The following PCDHGB1 variants were observed in gnomAD, a reference collection of about 807,000 sequenced individuals.
PCDHGB1 encodes protocadherin gamma subfamily B, 1.
A neutral mutation model predicts 56.6 loss-of-function variants in PCDHGB1; 34 were observed. The ratio of observed to expected loss-of-function variants is 0.60; its 90% CI spans 0.46 to 0.80. The LOEUF is 0.80. PCDHGB1 is among the 30% of genes least tolerant of loss of function. PCDHGB1 has a pLI of 0.00. For missense variants in PCDHGB1, 1,278 were observed against 1,204.6 expected, an observed-to-expected ratio of 1.06 and a Z score of -0.90; for synonymous variants, 561 against 505.9, an observed-to-expected ratio of 1.11 and a Z score of -1.46.
chr5:141,503,777 G>A (rs2099830497), intron 2 of PCDHGB1, among the ~76,000 whole-genome samples: 1 of 152,074 alleles, frequency 6.6e-6, no homozygotes, highest in South Asian at 2.1e-4. Context: ...TCTGTTCTTA[G>A]GCTGAGTTCA....
intron 1 of PCDHGB1, among the ~76,000 whole-genome samples, chr5:141,386,767 T>A (rs749741311): frequency 5.3e-5 from 8 of 152,202 alleles, no homozygotes; most frequent in Non-Finnish European, 1.0e-4. Flanking sequence ...TTATAAGGTA[T>A]TTTGTAAAAG....
intron 1 of PCDHGB1, among the ~76,000 whole-genome samples, chr5:141,451,908 G>A (rs899191624): frequency 3.9e-5 from 6 of 152,046 alleles, no homozygotes; most frequent in African/African-American, 7.2e-5. Context: ...AAGGGAGGGA[G>A]GGAGGAAGGA....
At chr5:141,400,234 G>A (rs749957043) in intron 1 of PCDHGB1, 11 of 1,613,984 alleles carry the variant, frequency 6.8e-6, no homozygotes, top group East Asian at 6.7e-5. Flanking sequence ...CCTCCTGGCC[G>A]TGATTCTGGC....
intron 1 of PCDHGB1, chr5:141,403,166 A>G (rs907710099): frequency 1.2e-6 from 2 of 1,614,002 alleles, no homozygotes; most frequent in Non-Finnish European, 1.7e-6. Flanking sequence ...TAGAGGTAGG[A>G]CGCAGCTTTT....
At chr5:141,399,679 T>C (rs757165628) in intron 1 of PCDHGB1, 4 of 1,613,560 alleles carry the variant, frequency 2.5e-6, no homozygotes, top group South Asian at 2.2e-5. Flanking sequence ...CGCCTTTGAC[T>C]ACGAGCAGCT....
At position 141,431,174 on chromosome 5, in the gene PCDHGB1, G is replaced by C. The variant is rs568632160; in HGVS notation, c.2410-63633G>C. 6.2e-7 allele frequency: 1 copy of C among 1,614,224 alleles called. No individual in the cohort carries two copies. The highest frequency in any genetic ancestry group is 1.1e-5 in the South Asian group (1 of 91,088). ...GCCTTACTTTCGTGAAAGTGAATTA[G>C]AAATAAAAATTAGTGAAAATGCAGC... is the stretch of plus-strand genomic sequence containing the variant. On this transcript the variant is annotated intron_variant, in intron 1 of 3. Coordinates refer to ENST00000523390, the MANE Select transcript of PCDHGB1 (RefSeq NM_018922.3). This position sits in a 1 kb window ranked among gnomAD's most constrained non-coding sequence, Gnocchi z 4.8.
intron 1 of PCDHGB1, chr5:141,389,913 C>A (rs751155354): frequency 6.2e-7 from 1 of 1,614,092 alleles, no homozygotes; most frequent in Non-Finnish European, 8.5e-7. Context: ...CACTGACCGC[C>A]CCGACCCCTC....
At chr5:141,366,224 C>T in intron 1 of PCDHGB1, 1 of 1,613,840 alleles carries the variant, frequency 6.2e-7, no homozygotes, top group East Asian at 2.2e-5. Context: ...AGCGCGAGCC[C>T]TGCTGGACAG....
rs549955923 is a variant in PCDHGB1, at chr5:141,409,897, A to G, written c.2409+57228A>G. 8.7e-6 allele frequency: 14 copies of G among 1,613,204 alleles called. No individual in the cohort carries two copies. The South Asian group carries it at 1.3e-4, about 15-fold the overall frequency. On this transcript the variant is annotated intron_variant, in intron 1 of 3. Coordinates refer to ENST00000523390, the MANE Select transcript of PCDHGB1 (RefSeq NM_018922.3). ...ACAACGCACCGCGGGTGCTGTACCC[A>G]GCTCTGGGTCCTGACGGCTCCGCGT...
intron 1 of PCDHGB1, chr5:141,355,852 G>A (rs769137645): frequency 6.2e-7 from 1 of 1,612,424 alleles, no homozygotes; most frequent in South Asian, 1.1e-5. Context: ...CTTCGATGGA[G>A]GTGACCCGGT....
chr5:141,401,171 G>T (rs1222326375), intron 1 of PCDHGB1, among the ~76,000 whole-genome samples: 1 of 152,054 alleles, frequency 6.6e-6, no homozygotes, highest in African/African-American at 2.4e-5. Flanking sequence ...GTGAAAACCC[G>T]TCTCTACTAA....
intron 1 of PCDHGB1, among the ~76,000 whole-genome samples, chr5:141,438,585 TACATAC>T (rs201018754): frequency 0.16 from 9,805 of 59,734 alleles, 612 homozygotes; most frequent in African/African-American, 0.28. Context: ...CATACATACA[TACATAC>T]ATATATATAT....
chr5:141,362,416 G>A, intron 1 of PCDHGB1: 3 of 1,614,008 alleles, frequency 1.9e-6, no homozygotes, highest in Non-Finnish European at 2.5e-6. Context: ...CTCACAATCA[G>A]CCAAGACAGA....
chr5:141,351,648 C>T lies in PCDHGB1; in HGVS notation c.1388C>T (p.Pro463Leu). 6.2e-7 allele frequency: 1 copy of T among 1,614,042 alleles called. No homozygotes were observed. Among genetic ancestry groups the T allele is most frequent in the South Asian group, 1.1e-5 (1 of 91,084 alleles). Residue 463 changes from proline (P) to leucine (L), a missense_variant, in exon 1 of 4, where the codon CCT (proline) becomes CTT (leucine). Pro to Leu is a moderately conservative substitution (Grantham distance 98). Coordinates refer to ENST00000523390, the MANE Select transcript of PCDHGB1 (RefSeq NM_018922.3). ...GTCCACGTGTCTGAGAACAACCCACCTGGCGCCTCCATTGCACAAGTAAGC... is the reference window on the plus strand; with the variant it reads ...GTCCACGTGTCTGAGAACAACCCACTTGGCGCCTCCATTGCACAAGTAAGC... ...YVVHVSENNP[P>L]GASIAQVSAS...
At chr5:141,411,417 C>T (rs2095487286) in intron 1 of PCDHGB1, 1 of 148,614 alleles carries the variant, frequency 6.7e-6, no homozygotes, top group Non-Finnish European at 1.5e-5. Context: ...ACTAAAACAA[C>T]AACAACAAAA....
At chr5:141,410,527 C>T (rs1398639610) in intron 1 of PCDHGB1, 1 of 1,613,920 alleles carries the variant, frequency 6.2e-7, no homozygotes, top group East Asian at 2.2e-5. Context: ...CCCTACATTC[C>T]AATGAAGACA....
chr5:141,393,586 G>A lies in PCDHGB1; in HGVS notation c.2409+40917G>A, dbSNP rs1486061309. 2 of 1,613,922 alleles carry A rather than the reference G, an allele frequency of 1.2e-6. No individual in the cohort carries two copies. Among genetic ancestry groups the A allele is most frequent in the Admixed American group, 3.3e-5 (2 of 60,028 alleles). ...AAAGTCCTTGAGAACATGCCCCCAGGCACGCGGCTGCTTACTGTAACAGCC... is the reference window on the plus strand; with the variant it reads ...AAAGTCCTTGAGAACATGCCCCCAGACACGCGGCTGCTTACTGTAACAGCC... On this transcript the variant is annotated intron_variant, in intron 1 of 3. Transcript: ENST00000523390.
intron 1 of PCDHGB1, chr5:141,385,590 CT>C: frequency 8.0e-7 from 1 of 1,252,846 alleles, no homozygotes; most frequent in Non-Finnish European, 1.0e-6. Flanking sequence ...ATGTTCCAAC[CT>C]ACTTTCTTAA....
intron 1 of PCDHGB1, chr5:141,393,423 G>A: frequency 1.2e-6 from 2 of 1,614,040 alleles, no homozygotes; most frequent in South Asian, 2.2e-5. Flanking sequence ...GGACAGGGAG[G>A]AAGAGGCTGC....
Sources: allele counts gnomAD v4.1 joint callset (sites outside exome capture counted in the v4.1 genomes callset), GRCh38; gene constraint gnomAD v4.1.1; non-coding constraint Gnocchi (gnomAD v3.1); transcripts MANE v1.5; gene names NCBI Gene and HGNC (gene_info 2026-07-23, HGNC 2026-07-21).